The following GOPC variants were observed in gnomAD, a reference collection of about 807,000 sequenced individuals.
GOPC encodes the protein Golgi-associated PDZ and coiled-coil motif-containing protein.
GOPC carries 32 observed loss-of-function variants against 51.2 expected under a neutral mutation model. The observed-to-expected ratio is 0.63, with a 90% CI of 0.47 to 0.84. The LOEUF is 0.84. GOPC is among the 40% of genes least tolerant of loss of function. GOPC has a pLI of 0.00. For missense variants in GOPC, 441 were observed against 555.5 expected (o/e 0.79, Z 2.07); for synonymous variants, 190 against 205.1 (o/e 0.93, Z 0.63).
intron 3 of GOPC, 80 bp downstream of exon 3, chr6:117,577,368 G>A: frequency 1.6e-6 from 2 of 1,266,250 alleles, no homozygotes; most frequent in South Asian, 2.8e-5. Context: ...TACAATGAGT[G>A]ACAACATATA....
intron 1 of GOPC, among the ~76,000 whole-genome samples, chr6:117,600,139 G>A (rs757414031): frequency 5.3e-5 from 8 of 152,182 alleles, no homozygotes; most frequent in East Asian, 1.9e-4. Context: ...GCCAGATCTC[G>A]AGAAGTCGAG....
chr6:117,591,583 T>C (rs1780117473), intron 1 of GOPC, among the ~76,000 whole-genome samples: 1 of 152,108 alleles, frequency 6.6e-6, no homozygotes, highest in African/African-American at 2.4e-5. Flanking sequence ...TCTTGAAAGA[T>C]GAGTGTGTGT....
At chr6:117,591,076 T>A (rs1409632026) in intron 1 of GOPC, among the ~76,000 whole-genome samples, 2 of 152,162 alleles carry the variant, frequency 1.3e-5, no homozygotes, top group Non-Finnish European at 2.9e-5. Flanking sequence ...GATCTCAAAC[T>A]CCTGACCTCA....
chr6:117,563,355 G>T lies in GOPC; in HGVS notation c.1288C>A (p.His430Asn), dbSNP rs1229837853. The change falls in exon 9 of 9, where the codon CAT becomes AAT. Residue 430 changes from histidine to asparagine, a missense_variant. Physicochemically the swap from His to Asn is moderately conservative, Grantham distance 68 (BLOSUM62 1). Around this residue, in one of 3 missense-constraint regions of GOPC, gnomAD observed 71 missense variants for 68.8 expected, o/e 1.03. Transcript: ENST00000368498. ...GCAGTGCCCAGGTCTCCATTTTCAT[G>T]TGTGTCAGTTACTGCCTTCTTATTA... ...GFNKKAVTDTHENGDLGTASE... is the reference protein window; with the variant it reads ...GFNKKAVTDTNENGDLGTASE... The T allele has an allele frequency of 6.2e-7, 1 of 1,613,362 alleles. No homozygotes were observed. Among genetic ancestry groups the T allele is most frequent in the Non-Finnish European group, 8.5e-7 (1 of 1,179,606 alleles).
intron 1 of GOPC, among the ~76,000 whole-genome samples, chr6:117,592,569 C>T (rs1486699113): frequency 6.6e-6 from 1 of 152,156 alleles, no homozygotes; most frequent in Non-Finnish European, 1.5e-5. Context: ...ATCTCTGCTT[C>T]TATCATCACA....
chr6:117,571,579 C>T (rs991856304), intron 5 of GOPC, among the ~76,000 whole-genome samples: 35 of 152,148 alleles, frequency 2.3e-4, no homozygotes, highest in African/African-American at 8.4e-4. Flanking sequence ...CCTTCACTAT[C>T]TTCCTTAGCA....
In GOPC at chr6:117,579,354, C is replaced by T. The variant is rs1435468342; in HGVS notation, c.286-290G>A. Among the ~76,000 whole-genome samples, 14 of 152,022 alleles carry T rather than the reference C, an allele frequency of 9.2e-5. No individual in the cohort carries two copies. The East Asian group carries it at 9.7e-4, about 10-fold the overall frequency. ...TTTAAGAAACCTTTTTACTGTTTCACCTTTATCTTCAAAGCTTATGAAAAC... is the reference window on the plus strand; with the variant it reads ...TTTAAGAAACCTTTTTACTGTTTCATCTTTATCTTCAAAGCTTATGAAAAC... On this transcript the variant is annotated intron_variant, in intron 1 of 8. Transcript: ENST00000368498.
At position 117,569,577 on chromosome 6, in the gene GOPC, G is replaced by A; in HGVS notation, c.1072C>T (p.Gln358Ter). The A allele has an allele frequency of 6.2e-7, 1 of 1,612,786 alleles. No homozygotes were observed. Among genetic ancestry groups the A allele is most frequent in the Non-Finnish European group, 8.5e-7 (1 of 1,179,484 alleles). Residue 358 changes from glutamine (Q) to a stop codon, truncating the protein, a stop_gained, in exon 7 of 9, where the codon CAG becomes TAG. Coordinates refer to ENST00000368498, the MANE Select transcript of GOPC (RefSeq NM_020399.4). LOFTEE classifies it high-confidence loss of function. ...ATTACATGAAGGGAATTTACCTGCT[G>A]AGAAAGAATAGTTACAGCTTCTTTA... ...KHKEAVTILSQQRGEIEFEVV... is the reference protein window; with the variant it reads ...KHKEAVTILS
At chr6:117,600,208 G>A (rs772671160) in intron 1 of GOPC, among the ~76,000 whole-genome samples, 4 of 152,148 alleles carry the variant, frequency 2.6e-5, no homozygotes, top group Admixed American at 6.5e-5. Context: ...GGTGTCACAT[G>A]GCAAGGAGGC....
chr6:117,601,864 C>G (rs1023206366), intron 1 of GOPC, 140 bp downstream of exon 1: 1 of 956,954 alleles, frequency 1.0e-6, no homozygotes, highest in Non-Finnish European at 1.5e-6. Context: ...CACCTCACTC[C>G]TCAGACATGC....
Position 117,602,057 on chromosome 6 carries a change from C to A in GOPC, c.232G>T (p.Ala78Ser). Residue 78 changes from alanine (A) to serine (S), a missense_variant, in exon 1 of 9, where the codon GCA becomes TCA. Ala to Ser is a moderately conservative substitution (Grantham distance 99). Around this residue, in one of 3 missense-constraint regions of GOPC, gnomAD observed 204 missense variants for 219.8 expected, o/e 0.93. Coordinates refer to ENST00000368498, the MANE Select transcript of GOPC (RefSeq NM_020399.4). ...QKMTSLSSCFAQLCHKAQSVS... is the reference protein window; with the variant it reads ...QKMTSLSSCFSQLCHKAQSVS... The stretch of plus-strand genomic sequence containing the variant: ...GACTGGGCTTTGTGGCAAAGCTGTG[C>A]AAAGCAGGAGCTCAGGCTGGTCATC... 1 of 1,614,176 alleles carries A rather than the reference C, an allele frequency of 6.2e-7. No individual in the cohort carries two copies. Among genetic ancestry groups the A allele is most frequent in the Non-Finnish European group, 8.5e-7 (1 of 1,180,036 alleles).
At chr6:117,599,468 T>G (rs1771954480) in intron 1 of GOPC, among the ~76,000 whole-genome samples, 1 of 152,218 alleles carries the variant, frequency 6.6e-6, no homozygotes, top group Non-Finnish European at 1.5e-5. Context: ...AATGAACTTC[T>G]TTCCACAGCA....
At chr6:117,572,805 A>C (rs1379844752) in intron 5 of GOPC, among the ~76,000 whole-genome samples, 3 of 152,200 alleles carry the variant, frequency 2.0e-5, no homozygotes, top group Non-Finnish European at 2.9e-5. Context: ...CTTCTTACAA[A>C]AATCTTTGCA....
chr6:117,594,773 GA>G (rs1460449634), intron 1 of GOPC, among the ~76,000 whole-genome samples: 1 of 152,174 alleles, frequency 6.6e-6, no homozygotes, highest in African/African-American at 2.4e-5. Flanking sequence ...TCACTTCAAA[GA>G]GATACTAACA....
chr6:117,580,465 G>A (rs1779941551), intron 1 of GOPC, among the ~76,000 whole-genome samples: 2 of 151,988 alleles, frequency 1.3e-5, no homozygotes, highest in Admixed American at 1.3e-4. Context: ...CTCAAGGGAT[G>A]GTATACTGAC....
chr6:117,589,161 G>A (rs1327554115), intron 1 of GOPC, among the ~76,000 whole-genome samples: 4 of 152,216 alleles, frequency 2.6e-5, no homozygotes, highest in African/African-American at 9.6e-5. Flanking sequence ...CCCACAGGCT[G>A]CGGGTTAGAC....
At chr6:117,569,511 G>A (rs1779763708) in intron 7 of GOPC, 61 bp downstream of exon 7, 2 of 1,585,438 alleles carry the variant, frequency 1.3e-6, no homozygotes, top group African/African-American at 2.7e-5. Context: ...GAAGTATACA[G>A]TGTTCAATAG....
chr6:117,587,760 G>A (rs1297293170), intron 1 of GOPC, among the ~76,000 whole-genome samples: 1 of 152,146 alleles, frequency 6.6e-6, no homozygotes, highest in Non-Finnish European at 1.5e-5. Flanking sequence ...AAGTAATGAT[G>A]AGTAAAATGT....
chr6:117,596,269 G>C (rs1057449146), intron 1 of GOPC, among the ~76,000 whole-genome samples: 2 of 151,772 alleles, frequency 1.3e-5, no homozygotes, highest in Non-Finnish European at 2.9e-5. Flanking sequence ...GATTTGTTTT[G>C]AGTTCCTTGT....
Sources: allele counts gnomAD v4.1 joint callset (sites outside exome capture counted in the v4.1 genomes callset), GRCh38; gene constraint gnomAD v4.1.1; regional missense constraint gnomAD v4.1.1; transcripts MANE v1.5; gene names NCBI Gene and HGNC (gene_info 2026-07-23, HGNC 2026-07-21).